Variants in HMBOX1 observed in about 807,000 individuals in gnomAD.
HMBOX1 encodes homeobox-containing protein 1.
HMBOX1 carries 14 observed loss-of-function variants against 54.5 expected under a neutral mutation model. That is an observed-to-expected ratio of 0.26 (90% CI 0.17 to 0.40). The LOEUF is 0.40. HMBOX1 is among the 10% of genes least tolerant of loss of function. The pLI, the probability that HMBOX1 is intolerant of heterozygous loss-of-function variation, is 1.00. For synonymous variants in HMBOX1, 160 were observed against 181.0 expected (o/e 0.88, Z 0.93); for missense variants, 332 against 514.4 (o/e 0.65, Z 3.43).
At chr8:29,027,331 A>G (rs1267250595) in intron 6 of HMBOX1, among the ~76,000 whole-genome samples, 1 of 152,242 alleles carries the variant, frequency 6.6e-6, no homozygotes, top group Non-Finnish European at 1.5e-5. Flanking sequence ...GAACAGATAC[A>G]TTTAAGGGTG....
chr8:28,962,485 C>T lies in HMBOX1; in HGVS notation c.-57-1326C>T, dbSNP rs111556313. 2.9e-3 allele frequency among the ~76,000 whole-genome samples: 424 copies of T among 145,900 alleles called. 4 individuals carry two copies. Among genetic ancestry groups the T allele is most frequent in the African/African-American group, 9.8e-3 (389 of 39,572 alleles). On this transcript the variant is annotated intron_variant, in intron 1 of 9. Transcript: ENST00000287701. ...ACATGCTAAACATGCTACATGTAAA[C>T]GTGCTGCATGGTTCTCATGATTACA...
At chr8:29,028,742 A>G (rs1467856000) in intron 6 of HMBOX1, among the ~76,000 whole-genome samples, 1 of 152,210 alleles carries the variant, frequency 6.6e-6, no homozygotes, top group African/African-American at 2.4e-5. Flanking sequence ...TGATATGATG[A>G]TCTGCAGTAA....
chr8:28,990,885 T>C (rs1477439870), intron 4 of HMBOX1, among the ~76,000 whole-genome samples: 1 of 152,022 alleles, frequency 6.6e-6, no homozygotes. Context: ...AGCTCCTGAC[T>C]TCAAGTGATC....
At chr8:28,959,424 T>C (rs552758647) in intron 1 of HMBOX1, among the ~76,000 whole-genome samples, 1 of 152,272 alleles carries the variant, frequency 6.6e-6, no homozygotes, top group South Asian at 2.1e-4. Flanking sequence ...GCTCACATTT[T>C]AAAACTTATG....
chr8:28,988,005 G>T (rs1830411422), intron 4 of HMBOX1, among the ~76,000 whole-genome samples: 1 of 152,072 alleles, frequency 6.6e-6, no homozygotes, highest in Non-Finnish European at 1.5e-5. Flanking sequence ...TTATACAGTG[G>T]TATAATCATT....
At chr8:28,939,943 G>T (rs918218355) in intron 1 of HMBOX1, among the ~76,000 whole-genome samples, 12 of 152,188 alleles carry the variant, frequency 7.9e-5, no homozygotes, top group African/African-American at 2.4e-4. Flanking sequence ...GGTCTTTTAC[G>T]CATGATGTTC....
At chr8:28,976,049 A>G (rs1828301263) in intron 3 of HMBOX1, among the ~76,000 whole-genome samples, 1 of 152,206 alleles carries the variant, frequency 6.6e-6, no homozygotes, top group African/African-American at 2.4e-5. Flanking sequence ...AATTGGACAC[A>G]ATGAAAATAG....
At position 28,994,023 on chromosome 8, in the gene HMBOX1, C is replaced by T. The variant is rs563276917; in HGVS notation, c.586+13867C>T. On this transcript the variant is annotated intron_variant, in intron 4 of 9. Coordinates refer to ENST00000287701, the MANE Select transcript of HMBOX1 (RefSeq NM_001135726.3). ...TCTCTACTAAAAATACGAAGTTAGC[C>T]GGATGTGGTGGTGCATGCCTATAAT... 8.9e-4 allele frequency among the ~76,000 whole-genome samples: 136 copies of T among 151,972 alleles called. 2 individuals carry two copies. In the South Asian group the frequency reaches 0.026, roughly 29 times the overall value.
chr8:29,004,997 T>G (rs1042239220), intron 4 of HMBOX1, among the ~76,000 whole-genome samples: 1 of 152,122 alleles, frequency 6.6e-6, no homozygotes, highest in Non-Finnish European at 1.5e-5. Context: ...TTTGGAAAAA[T>G]TACCTGCTTT....
chr8:29,047,007 T>C (rs1194397718), intron 7 of HMBOX1, among the ~76,000 whole-genome samples: 1 of 152,172 alleles, frequency 6.6e-6, no homozygotes, highest in Non-Finnish European at 1.5e-5. Context: ...GAATATCTTA[T>C]TCTGATACAA....
Position 28,896,306 on chromosome 8 carries a change from C to T in HMBOX1, c.-58+5628C>T, listed in dbSNP as rs1272446990. Among the ~76,000 whole-genome samples the T allele has an allele frequency of 2.0e-5, 3 of 152,208 alleles. No homozygotes were observed. The East Asian group carries it at 5.8e-4, about 29-fold the overall frequency. ...CCCCTATTGGTTACATCCTACATAA[C>T]TTTAATACAATATTAAAACCAGGAA... is the stretch of plus-strand genomic sequence containing the variant. On this transcript the variant is annotated intron_variant, in intron 1 of 9. Coordinates refer to ENST00000287701, the MANE Select transcript of HMBOX1 (RefSeq NM_001135726.3).
At chr8:29,049,586 T>C in intron 9 of HMBOX1, 1 of 681,932 alleles carries the variant, frequency 1.5e-6, no homozygotes, top group East Asian at 2.8e-5. Flanking sequence ...ACATGCATCC[T>C]CTCATAAGTG....
intron 1 of HMBOX1, among the ~76,000 whole-genome samples, chr8:28,916,195 C>G (rs1377820115): frequency 6.6e-6 from 1 of 152,206 alleles, no homozygotes; most frequent in Non-Finnish European, 1.5e-5. Context: ...TTTTCAGTAT[C>G]TGCCCTCTAA....
rs1461933366 is a variant in HMBOX1 at position 28,900,267 on chromosome 8, A to T, written c.-58+9589A>T. 5.5e-3 allele frequency among the ~76,000 whole-genome samples: 299 copies of T among 54,498 alleles called. 2 individuals carry two copies. The highest frequency in any genetic ancestry group is 6.5e-3 in the Admixed American group (25 of 3,828). 35.8% of individuals were successfully genotyped at this position (54,498 alleles called of 152,430 possible). A position where few individuals can be genotyped will look rare whatever the true frequency, so the allele number is the denominator to read the frequency against. On this transcript the variant is annotated intron_variant, in intron 1 of 9. Transcript: ENST00000287701. ...AAGATTCCGTCTCAAAAAAAAAAAA[A>T]AAAAATATATATATATATATATATT...
intron 1 of HMBOX1, among the ~76,000 whole-genome samples, chr8:28,956,157 A>G (rs968594207): frequency 6.6e-6 from 1 of 152,120 alleles, no homozygotes; most frequent in Non-Finnish European, 1.5e-5. Context: ...ATATGGTAGT[A>G]TGATTGAAGA....
intron 1 of HMBOX1, among the ~76,000 whole-genome samples, chr8:28,906,509 T>C (rs1322463318): frequency 2.6e-5 from 4 of 152,230 alleles, no homozygotes; most frequent in African/African-American, 9.6e-5. Context: ...TTTAATTTTA[T>C]GTCCATTTCC....
intron 4 of HMBOX1, among the ~76,000 whole-genome samples, chr8:29,008,075 T>C (rs1833720437): frequency 6.6e-6 from 1 of 152,220 alleles, no homozygotes; most frequent in African/African-American, 2.4e-5. Flanking sequence ...CAGGTGATAT[T>C]CAGTAATATT....
rs990121614 is a variant in HMBOX1, at chr8:29,041,978, G to A, written c.852-3383G>A. Among the ~76,000 whole-genome samples the A allele has an allele frequency of 4.6e-5, 7 of 152,252 alleles. No homozygotes were observed. The South Asian group carries it at 1.4e-3, about 32-fold the overall frequency. Reference sequence around the variant, plus strand: ...GGAAGAAAAGTTGTCACAATGAGGTGCACTGGCCAAAGAGCTATGGCTTAA... The same window carrying A: ...GGAAGAAAAGTTGTCACAATGAGGTACACTGGCCAAAGAGCTATGGCTTAA... On this transcript the variant is annotated intron_variant, in intron 6 of 9. Transcript: ENST00000287701.
chr8:28,910,323 T>G (rs1246632900), intron 1 of HMBOX1, among the ~76,000 whole-genome samples: 3 of 152,236 alleles, frequency 2.0e-5, no homozygotes, highest in Non-Finnish European at 4.4e-5. Context: ...AGCTGATGGT[T>G]GTTTGGGATG....
Sources: gnomAD v4.1 joint callset for allele counts (sites outside exome capture counted in the v4.1 genomes callset) on GRCh38, gnomAD v4.1.1 for gene constraint, MANE v1.5 for transcripts, NCBI Gene and HGNC (gene_info 2026-07-23, HGNC 2026-07-21) for gene names.